GNB1L: variants seen among roughly 807,000 people sequenced by gnomAD.
The protein encoded by GNB1L is G protein subunit beta 1 like.
GNB1L carries 20 observed loss-of-function variants against 29.1 expected under a neutral mutation model. The ratio of observed to expected loss-of-function variants is 0.69; its 90% CI spans 0.48 to 1.00. The LOEUF (loss-of-function observed/expected upper bound fraction) is 1.00, where lower values mean the gene tolerates loss of function less well. GNB1L is among the 50% of genes least tolerant of loss of function. The pLI, the probability that GNB1L is intolerant of heterozygous loss-of-function variation, is 0.00. For synonymous variants in GNB1L, 193 were observed against 206.5 expected (o/e 0.93, Z 0.56); for missense variants, 421 against 464.9 (o/e 0.91, Z 0.87).
chr22:19,804,795 C>G (rs1937413862), intron 6 of GNB1L, among the ~76,000 whole-genome samples: 1 of 152,230 alleles, frequency 6.6e-6, no homozygotes, highest in Non-Finnish European at 1.5e-5. Context: ...CCTCTGTCAA[C>G]TACATTAATT....
intron 2 of GNB1L, among the ~76,000 whole-genome samples, chr22:19,843,811 C>A (rs1937904127): frequency 1.3e-5 from 2 of 152,176 alleles, no homozygotes; most frequent in Non-Finnish European, 2.9e-5. Flanking sequence ...CCTGTAGGCC[C>A]CGACGAAGGA....
intron 6 of GNB1L, among the ~76,000 whole-genome samples, chr22:19,806,195 GT>G (rs1569042127): frequency 6.6e-6 from 1 of 152,278 alleles, no homozygotes; most frequent in Non-Finnish European, 1.5e-5. Flanking sequence ...GAATGTCATT[GT>G]GTTAAGTCCA....
intron 5 of GNB1L, among the ~76,000 whole-genome samples, chr22:19,807,994 G>A (rs963461694): frequency 7.9e-5 from 12 of 152,188 alleles, no homozygotes; most frequent in African/African-American, 2.9e-4. Flanking sequence ...CCTCCAGTAC[G>A]CGGACCAGGG....
intron 2 of GNB1L, chr22:19,847,306 T>G: frequency 1.0e-6 from 1 of 985,090 alleles, no homozygotes; most frequent in Non-Finnish European, 1.2e-6. Flanking sequence ...TGCAGCACAA[T>G]CTGGCTCATG....
intron 2 of GNB1L, chr22:19,849,597 C>A (rs745917857): frequency 8.4e-6 from 6 of 712,228 alleles, no homozygotes; most frequent in Non-Finnish European, 1.0e-5. Context: ...GAACTCCTGA[C>A]CTCAGGTGAT....
rs1178998725 is a variant in GNB1L, at chr22:19,816,311, T to C, written c.255-3864A>G. On this transcript the variant is annotated intron_variant, in intron 4 of 7. Transcript: ENST00000329517. The surrounding 1 kb of genome is among the most constrained non-coding windows in gnomAD (Gnocchi z 4.4). Reference sequence around the variant, plus strand: ...ACCCTGATCGCCTGGTCAGGACCCATAGTTTTCAAAGGCTCATCATCCCTA... The same window carrying C: ...ACCCTGATCGCCTGGTCAGGACCCACAGTTTTCAAAGGCTCATCATCCCTA... Among the ~76,000 whole-genome samples, 1 of 152,170 alleles carries C rather than the reference T, an allele frequency of 6.6e-6. No homozygotes were observed. The highest frequency in any genetic ancestry group is 2.4e-5 in the African/African-American group (1 of 41,458).
rs188101263 is a variant in GNB1L, at chr22:19,806,429, C to A, written c.516+230G>T. ...GCTTGCAAAGGACGAGGACCTGCTG[C>A]CACTGCTGCTGGCTGAAGCCAGGCC... On this transcript the variant is annotated intron_variant, in intron 6 of 7. Coordinates refer to ENST00000329517, the MANE Select transcript of GNB1L (RefSeq NM_053004.3). Among the ~76,000 whole-genome samples, 32 of 152,354 alleles carry A rather than the reference C, an allele frequency of 2.1e-4. No homozygotes were observed. In the East Asian group the frequency reaches 5.6e-3, roughly 27 times the overall value.
chr22:19,851,660 C>A (rs1049784546), intron 2 of GNB1L: 1 of 1,594,658 alleles, frequency 6.3e-7, no homozygotes, highest in Non-Finnish European at 8.6e-7. Flanking sequence ...TGGCAGCTGG[C>A]TGGAGGCCAG....
intron 2 of GNB1L, among the ~76,000 whole-genome samples, chr22:19,829,672 C>T (rs904609831): frequency 2.0e-5 from 3 of 151,982 alleles, no homozygotes; most frequent in Non-Finnish European, 2.9e-5. Flanking sequence ...CCTAGAAATG[C>T]AAGGTTGGTT....
intron 2 of GNB1L, chr22:19,847,377 G>A (rs1937984854): frequency 1.0e-6 from 1 of 985,428 alleles, no homozygotes; most frequent in Non-Finnish European, 1.2e-6. Flanking sequence ...TGGATCTTTG[G>A]GCTTTTCCAG....
At chr22:19,851,854 G>A (rs1358628900) in intron 2 of GNB1L, 2 of 1,613,836 alleles carry the variant, frequency 1.2e-6, no homozygotes, top group Non-Finnish European at 1.7e-6. Flanking sequence ...AGACACGGCT[G>A]ATGTTGTCCT....
intron 7 of GNB1L, among the ~76,000 whole-genome samples, chr22:19,795,976 A>G (rs1429076532): frequency 6.6e-6 from 1 of 151,756 alleles, no homozygotes; most frequent in Non-Finnish European, 1.5e-5. Flanking sequence ...ACGCTCACAC[A>G]CGACATGCAA....
At chr22:19,798,061 G>C (rs1937327494) in intron 7 of GNB1L, among the ~76,000 whole-genome samples, 1 of 152,178 alleles carries the variant, frequency 6.6e-6, no homozygotes, top group Non-Finnish European at 1.5e-5. Flanking sequence ...TCAGTGTCCA[G>C]AGCACCCGGC....
Position 19,785,639 on chromosome 22 carries a change from C to T in GNB1L, c.*3070G>A, listed in dbSNP as rs1229180383. 1.3e-5 allele frequency: 2 copies of T among 152,210 alleles called. No individual in the cohort carries two copies. Among genetic ancestry groups the T allele is most frequent in the Non-Finnish European group, 2.9e-5 (2 of 68,060 alleles). 9.4% of individuals were successfully genotyped at this position (152,210 alleles called of 1,614,324 possible). ...AGCGACCAGCCATGCTGCCAGGAGT[C>T]GCCTCTCAGGTTCATCCCAGGAGCT... On this transcript the variant is annotated 3_prime_UTR_variant, in exon 8 of 8. Transcript: ENST00000329517. This position sits in a 1 kb window ranked among gnomAD's most constrained non-coding sequence, Gnocchi z 4.1.
At chr22:19,807,218 C>A (rs573898519) in intron 5 of GNB1L, among the ~76,000 whole-genome samples, 1 of 152,190 alleles carries the variant, frequency 6.6e-6, no homozygotes, top group Admixed American at 6.5e-5. Context: ...CACCTGGACG[C>A]CCCGGTGTCC....
At chr22:19,806,576 C>G (rs1011811517) in intron 6 of GNB1L, 83 bp downstream of exon 6, 3 of 863,800 alleles carry the variant, frequency 3.5e-6, no homozygotes, top group Admixed American at 4.6e-5. Flanking sequence ...AGTGGCTCGA[C>G]GATAAATCAG....
chr22:19,847,804 C>CAAAAAAAAA lies in GNB1L; in HGVS notation c.-21+6630_-21+6638dup, dbSNP rs34331843. ...ACTTTTAAAATCCTGGAATCATAGG[C>CAAAAAAAAA]AAAAAAAAAAAAAAAAAAAAATTCA... On this transcript the variant is annotated intron_variant, in intron 2 of 7. Transcript: ENST00000329517. 748 of 611,622 alleles carry CAAAAAAAAA rather than the reference C, an allele frequency of 1.2e-3. 8 individuals carry two copies. Among genetic ancestry groups the CAAAAAAAAA allele is most frequent in the African/African-American group, 1.0e-2 (355 of 35,648 alleles). 37.9% of individuals were successfully genotyped at this position (611,622 alleles called of 1,614,324 possible). A position where few individuals can be genotyped will look rare whatever the true frequency, so the allele number is the denominator to read the frequency against.
At chr22:19,817,985 A>G (rs1205661080) in intron 4 of GNB1L, among the ~76,000 whole-genome samples, 2 of 152,240 alleles carry the variant, frequency 1.3e-5, no homozygotes, top group African/African-American at 4.8e-5. Context: ...TCCCATCAAC[A>G]TGAAAGCCAT....
At chr22:19,789,507 TG>T (rs983834349) in intron 7 of GNB1L, among the ~76,000 whole-genome samples, 18 of 125,400 alleles carry the variant, frequency 1.4e-4, no homozygotes, top group Admixed American at 7.1e-4. Flanking sequence ...GTTGGCAGGA[TG>T]AGGGGGGGAC....
Sources: gnomAD v4.1 joint callset for allele counts (sites outside exome capture counted in the v4.1 genomes callset) on GRCh38, gnomAD v4.1.1 for gene constraint, Gnocchi (gnomAD v3.1) non-coding constraint, MANE v1.5 for transcripts, NCBI Gene and HGNC (gene_info 2026-07-23, HGNC 2026-07-21) for gene names.